The following AACS variants were observed in gnomAD, a reference collection of about 807,000 sequenced individuals.
The protein encoded by AACS is acetoacetate-CoA ligase.
AACS carries 69 observed loss-of-function variants against 83.1 expected under a neutral mutation model. The ratio of observed to expected loss-of-function variants is 0.83; its 90% CI spans 0.68 to 1.01. AACS has a LOEUF of 1.01. Ranked by LOEUF, AACS falls within the 50% of genes least tolerant of loss-of-function variation. AACS has a pLI of 0.00. For synonymous variants in AACS, 333 were observed against 343.4 expected (o/e 0.97, Z 0.33); for missense variants, 866 against 882.2 (o/e 0.98, Z 0.23).
chr12:125,098,600 C>T (rs550350905), intron 5 of AACS, among the ~76,000 whole-genome samples: 5 of 152,048 alleles, frequency 3.3e-5, no homozygotes, highest in Non-Finnish European at 5.9e-5. Context: ...TACAGGCGTG[C>T]GCCACCACGC....
intron 3 of AACS, among the ~76,000 whole-genome samples, chr12:125,077,326 T>A (rs919862272): frequency 5.3e-5 from 8 of 151,928 alleles, no homozygotes; most frequent in Admixed American, 4.6e-4. Flanking sequence ...CTGGCTAACA[T>A]GGTGAAACCC....
At position 125,142,390 on chromosome 12, in the gene AACS, T is replaced by A; in HGVS notation, c.*161T>A. ...CGTTTCTCTGTTTTGTTAAATCTGG[T>A]GGGTACCTGGATCTTCCACACGAGT... On this transcript the variant is annotated 3_prime_UTR_variant, in exon 18 of 18. Coordinates refer to ENST00000316519, the MANE Select transcript of AACS (RefSeq NM_023928.5). The A allele has an allele frequency of 9.7e-7, 1 of 1,032,770 alleles. No homozygotes were observed. The highest frequency in any genetic ancestry group is 1.4e-6 in the Non-Finnish European group (1 of 730,404). 64.0% of individuals were successfully genotyped at this position (1,032,770 alleles called of 1,614,324 possible).
intron 1 of AACS, among the ~76,000 whole-genome samples, chr12:125,067,294 G>T (rs2136023141): frequency 6.6e-6 from 1 of 152,308 alleles, no homozygotes; most frequent in African/African-American, 2.4e-5. Flanking sequence ...GTATGTGTTG[G>T]ATTAGGGCAG....
chr12:125,141,031 C>G (rs1957480023), intron 17 of AACS: 1 of 152,256 alleles, frequency 6.6e-6, no homozygotes, highest in South Asian at 2.1e-4. Flanking sequence ...TGCACTGATT[C>G]ATTCACCCAG....
chr12:125,135,783 C>T (rs546708043), intron 16 of AACS: 1 of 152,326 alleles, frequency 6.6e-6, no homozygotes, highest in Non-Finnish European at 1.5e-5. Context: ...GTCTTACTCT[C>T]TTCACAGGCT....
chr12:125,069,483 T>C (rs1020058363), intron 1 of AACS, among the ~76,000 whole-genome samples: 1 of 152,240 alleles, frequency 6.6e-6, no homozygotes, highest in Admixed American at 6.5e-5. Context: ...TTGTCACTGC[T>C]TCCAGCTGAA....
At chr12:125,114,795 G>C (rs1378885644) in intron 9 of AACS, among the ~76,000 whole-genome samples, 5 of 151,188 alleles carry the variant, frequency 3.3e-5, no homozygotes, top group Non-Finnish European at 5.9e-5. Flanking sequence ...GGCTTCCCCA[G>C]GCGCCGGCCC....
intron 2 of AACS, among the ~76,000 whole-genome samples, chr12:125,075,534 C>G (rs10846821): frequency 3.3e-5 from 5 of 151,026 alleles, no homozygotes; most frequent in Non-Finnish European, 7.4e-5. Context: ...TCAGGTGATC[C>G]GCCTGCCTTG....
At position 125,118,644 on chromosome 12, in the gene AACS, G is replaced by T. The variant is rs780319998; in HGVS notation, c.1000G>T (p.Gly334Cys). ...SDILLCYTTV[G>C]WMMWNWMVSL... ...CGCATCCCTCCTGTCTTTGCAGGTC[G>T]GCTGGATGATGTGGAACTGGATGGT... Residue 334 changes from glycine (G) to cysteine (C), a missense_variant, in exon 10 of 18, where the codon GGC (glycine) becomes TGC (cysteine). Gly to Cys is a radical substitution (Grantham distance 159, BLOSUM62 -3). Coordinates refer to ENST00000316519, the MANE Select transcript of AACS (RefSeq NM_023928.5). 2 of 1,614,060 alleles carry T rather than the reference G, an allele frequency of 1.2e-6. No individual in the cohort carries two copies. The highest frequency in any genetic ancestry group is 2.2e-5 in the South Asian group (2 of 91,052).
chr12:125,124,767 C>T lies in AACS; in HGVS notation c.1184C>T (p.Pro395Leu), dbSNP rs1476782340. ...LSVLEEKAMK[P>L]VETHSLQMLH... ...GTGCTGGAAGAGAAGGCCATGAAGC[C>T]GGGTGAGTGTGCCTCTTCAGTACTC... Residue 395 changes from proline (P) to leucine (L), a missense_variant and splice_region_variant, in exon 11 of 18, where the codon CCG becomes CTG. Coordinates refer to ENST00000316519, the MANE Select transcript of AACS (RefSeq NM_023928.5). The T allele has an allele frequency of 3.7e-6, 6 of 1,614,062 alleles. No homozygotes were observed. Among genetic ancestry groups the T allele is most frequent in the Middle Eastern group, 1.6e-4 (1 of 6,084 alleles).
Position 125,124,738 on chromosome 12 carries a change from G to C in AACS, c.1155G>C (p.Leu385=), listed in dbSNP as rs1226290956. The C allele has an allele frequency of 1.2e-6, 2 of 1,614,070 alleles. No individual in the cohort carries two copies. Among genetic ancestry groups the C allele is most frequent in the African/African-American group, 2.7e-5 (2 of 74,942 alleles). The change falls in exon 11 of 18, where the codon CTG becomes CTC. Residue 385 remains leucine, a synonymous_variant. Coordinates refer to ENST00000316519, the MANE Select transcript of AACS (RefSeq NM_023928.5). ...ITVLVTGAKW[L]SVLEEKAMKP... ...TCCTGGTAACTGGGGCCAAGTGGCT[G>C]TCAGTGCTGGAAGAGAAGGCCATGA... is the stretch of plus-strand genomic sequence containing the variant.
rs1004300314 is a variant in AACS at position 125,107,269 on chromosome 12, G to A, written c.915+1G>A. 3.7e-6 allele frequency: 6 copies of A among 1,613,222 alleles called. No homozygotes were observed. Among genetic ancestry groups the A allele is most frequent in the Non-Finnish European group, 5.1e-6 (6 of 1,179,824 alleles). On this transcript the variant is annotated splice_donor_variant, in intron 8 of 17. Transcript: ENST00000316519. LOFTEE classifies it high-confidence loss of function. ...CAAGTGCATGGTGCATTCCGCTGGG[G>A]TAGGTCTCTGGGGAAGGCTCTGCAG...
chr12:125,077,034 A>G (rs571711358), intron 3 of AACS, among the ~76,000 whole-genome samples: 2 of 149,300 alleles, frequency 1.3e-5, no homozygotes, highest in South Asian at 2.1e-4. Context: ...CAGCTTCCTG[A>G]GTAGCTGGGA....
In AACS at chr12:125,076,576, A is replaced by G. The variant is rs780637787; in HGVS notation, c.323A>G (p.His108Arg). 11 of 1,614,172 alleles carry G rather than the reference A, an allele frequency of 6.8e-6. No individual in the cohort carries two copies. The highest frequency in any genetic ancestry group is 2.2e-5 in the East Asian group (1 of 44,884). Reference protein sequence around the residue: ...RLNYAENLLRHKENDRVALYI... With the variant: ...RLNYAENLLRRKENDRVALYI... ...AACTATGCAGAAAACCTCCTGCGGC[A>G]CAAAGAGAATGACAGAGTTGCCCTT... Residue 108 changes from histidine (H) to arginine (R), a missense_variant, in exon 3 of 18, where the codon CAC (histidine) becomes CGC (arginine). Physicochemically the swap from His to Arg is conservative, Grantham distance 29. Coordinates refer to ENST00000316519, the MANE Select transcript of AACS (RefSeq NM_023928.5).
At chr12:125,074,005 C>T (rs748396373) in intron 2 of AACS, 26 bp downstream of exon 2, 24 of 1,561,336 alleles carry the variant, frequency 1.5e-5, no homozygotes, top group Non-Finnish European at 2.0e-5. Flanking sequence ...CCGTGGATAT[C>T]ATCTCTTTTT....
chr12:125,128,158 C>G lies in AACS; in HGVS notation c.1310-3C>G, dbSNP rs759962044. ...TTGAGTCTCCCTTTGCCATTGCTTG[C>G]AGGAGGCACCGACATCATCTCCTGC... On this transcript the variant is annotated splice_region_variant and splice_polypyrimidine_tract_variant and intron_variant, in intron 12 of 17. Coordinates refer to ENST00000316519, the MANE Select transcript of AACS (RefSeq NM_023928.5). 1 of 1,604,994 alleles carries G rather than the reference C, an allele frequency of 6.2e-7. No individual in the cohort carries two copies. Among genetic ancestry groups the G allele is most frequent in the South Asian group, 1.1e-5 (1 of 89,934 alleles).
chr12:125,138,732 C>T (rs1023995680), intron 17 of AACS: 6 of 152,216 alleles, frequency 3.9e-5, no homozygotes, highest in Non-Finnish European at 8.8e-5. Flanking sequence ...AGGTCTCCTC[C>T]TGGGTGCATT....
intron 3 of AACS, among the ~76,000 whole-genome samples, chr12:125,084,474 G>C (rs1372875482): frequency 6.6e-6 from 1 of 151,858 alleles, no homozygotes; most frequent in Non-Finnish European, 1.5e-5. Flanking sequence ...TACGAACATA[G>C]GTCACTGCAG....
chr12:125,107,361 A>T (rs1352927494), intron 8 of AACS, 93 bp downstream of exon 8: 1 of 1,512,544 alleles, frequency 6.6e-7, no homozygotes, highest in African/African-American at 1.4e-5. Flanking sequence ...GGAGTTGTCA[A>T]ACTGCACCCC....
Sources: gnomAD v4.1 joint callset for allele counts (sites outside exome capture counted in the v4.1 genomes callset) on GRCh38, gnomAD v4.1.1 for gene constraint, MANE v1.5 for transcripts, NCBI Gene and HGNC (gene_info 2026-07-23, HGNC 2026-07-21) for gene names.